Variants in EGLN3 observed in about 807,000 individuals in gnomAD.
The protein encoded by EGLN3 is prolyl hydroxylase EGLN3.
A neutral mutation model predicts 26.0 loss-of-function variants in EGLN3; 15 were observed. The observed-to-expected ratio is 0.58, with a 90% CI of 0.39 to 0.89. The LOEUF is 0.89. EGLN3 is among the 40% of genes least tolerant of loss of function. EGLN3 has a pLI of 0.00. For synonymous variants in EGLN3, 147 were observed against 127.2 expected, an observed-to-expected ratio of 1.16 and a Z score of -1.05; for missense variants, 238 against 311.6, an observed-to-expected ratio of 0.76 and a Z score of 1.78.
At chr14:33,948,589 A>G (rs1441261825) in intron 1 of EGLN3, 1 of 152,220 alleles carries the variant, frequency 6.6e-6, no homozygotes. Flanking sequence ...TCATATCTAC[A>G]GGATCTTTCT....
In EGLN3 at chr14:33,950,590, C is replaced by T. The variant is rs2064552612; in HGVS notation, c.163G>A (p.Ala55Thr). ...ERVKQLHCTGALRDGQLAGPR... is the reference protein window; with the variant it reads ...ERVKQLHCTGTLRDGQLAGPR... ...CCCGCCAGCTGGCCGTCCCGCAGGG[C>T]CCCGGTGCAGTGCAGCTGCTTGACG... Residue 55 changes from alanine to threonine, a missense_variant, in exon 1 of 5, where the codon GCC (alanine) becomes ACC (threonine). Transcript: ENST00000250457. The T allele has an allele frequency of 1.2e-6, 2 of 1,613,270 alleles. No homozygotes were observed. The highest frequency in any genetic ancestry group is 2.2e-5 in the East Asian group (1 of 44,852).
chr14:33,950,533 G>A lies in EGLN3; in HGVS notation c.220C>T (p.Arg74Trp). 5.6e-6 allele frequency: 9 copies of A among 1,613,470 alleles called. No homozygotes were observed. Among genetic ancestry groups the A allele is most frequent in the Non-Finnish European group, 7.6e-6 (9 of 1,179,914 alleles). The change falls in exon 1 of 5, where the codon CGG (arginine) becomes TGG (tryptophan). Residue 74 changes from arginine (R) to tryptophan (W), a missense_variant. Arg to Trp is a moderately radical substitution (Grantham distance 101). Transcript: ENST00000250457. Reference protein sequence around the residue: ...PRAGVSKRHLRGDQITWIGGN... With the variant: ...PRAGVSKRHLWGDQITWIGGN... ...CCGATCCACGTGATCTGGTCGCCCC[G>A]CAGGTGTCGCTTGGAGACGCCGGCG...
In EGLN3 at chr14:33,926,889, A is replaced by G; in HGVS notation, c.688+71T>C. 2.5e-6 allele frequency: 3 copies of G among 1,177,376 alleles called. No homozygotes were observed. The South Asian group carries it at 4.4e-5, about 17-fold the overall frequency. The allele number at this position is 1,177,376 out of a possible 1,614,324, so 72.9% of individuals were successfully genotyped here. ...AACAGATTGAACAGAACATGTTTAAAACTACATAAAATTGAATAAAAGTCA... is the reference window on the plus strand; with the variant it reads ...AACAGATTGAACAGAACATGTTTAAGACTACATAAAATTGAATAAAAGTCA... On this transcript the variant is annotated intron_variant, in intron 4 of 4. Coordinates refer to ENST00000250457, the MANE Select transcript of EGLN3 (RefSeq NM_022073.4).
rs555449134 is a variant in EGLN3 at position 33,925,006 on chromosome 14, G to C, written c.*885C>G. 1 of 138,188 alleles carries C rather than the reference G, an allele frequency of 7.2e-6. No homozygotes were observed. Among genetic ancestry groups the C allele is most frequent in the South Asian group, 2.4e-4 (1 of 4,126 alleles). The allele number at this position is 138,188 out of a possible 1,614,324, so 8.6% of individuals were successfully genotyped here. On this transcript the variant is annotated 3_prime_UTR_variant, in exon 5 of 5. Coordinates refer to ENST00000250457, the MANE Select transcript of EGLN3 (RefSeq NM_022073.4). ...CCAACTCCACCTCCCCTCTCAAATT[G>C]TTCAAGATGCACACATGTTTATTGT...
At chr14:33,948,222 G>C (rs2064531355) in intron 1 of EGLN3, 1 of 152,090 alleles carries the variant, frequency 6.6e-6, no homozygotes, top group Non-Finnish European at 1.5e-5. Flanking sequence ...AAATCATGTA[G>C]AAATGGAAAG....
At chr14:33,929,595 G>A (rs559545836) in intron 2 of EGLN3, among the ~76,000 whole-genome samples, 7 of 152,184 alleles carry the variant, frequency 4.6e-5, no homozygotes, top group East Asian at 1.9e-4. Context: ...CAGGTGATCC[G>A]CCCACTAGGG....
chr14:33,950,695 C>G lies in EGLN3; in HGVS notation c.58G>C (p.Val20Leu), dbSNP rs1271481885. 6.2e-7 allele frequency: 1 copy of G among 1,613,872 alleles called. No individual in the cohort carries two copies. The highest frequency in any genetic ancestry group is 1.3e-5 in the African/African-American group (1 of 74,908). Residue 20 changes from valine (V) to leucine (L), a missense_variant, in exon 1 of 5, where the codon GTG (valine) becomes CTG (leucine). Transcript: ENST00000250457. ...AAGCCCACCTCGTGCAGACAGGGCA[C>G]GATGTACTCCAGGGCAATTTTCTCC... ...DLEKIALEYIVPCLHEVGFCY... is the reference protein window; with the variant it reads ...DLEKIALEYILPCLHEVGFCY...
chr14:33,939,044 T>C (rs2064462055), intron 1 of EGLN3, among the ~76,000 whole-genome samples: 1 of 152,196 alleles, frequency 6.6e-6, no homozygotes, highest in Non-Finnish European at 1.5e-5. Context: ...TGCAGGCTCA[T>C]CAGAGAATGG....
chr14:33,929,256 A>T (rs1019126119), intron 2 of EGLN3, 44 bp from the exon 3 acceptor site: 1 of 1,606,688 alleles, frequency 6.2e-7, no homozygotes, highest in Non-Finnish European at 8.5e-7. Flanking sequence ...CCTCTCATGT[A>T]GTTTATCAAC....
intron 1 of EGLN3, among the ~76,000 whole-genome samples, chr14:33,941,314 C>T (rs1566600446): frequency 1.3e-5 from 2 of 152,004 alleles, no homozygotes; most frequent in Non-Finnish European, 2.9e-5. Context: ...GCCTCGTGGC[C>T]CTGGCGTCTC....
Position 33,947,247 on chromosome 14 carries a change from C to T in EGLN3, c.357+3149G>A, listed in dbSNP as rs768914096. 1.2e-4 allele frequency among the ~76,000 whole-genome samples: 18 copies of T among 152,198 alleles called. No individual in the cohort carries two copies. In the Middle Eastern group the frequency reaches 0.01, roughly 86 times the overall value. ...AAAATCTCCAAAAGGGAGTAGCGAG[C>T]GGATAAATCCTTTGCTAGCCTGAAA... is the stretch of plus-strand genomic sequence containing the variant. On this transcript the variant is annotated intron_variant, in intron 1 of 4. Coordinates refer to ENST00000250457, the MANE Select transcript of EGLN3 (RefSeq NM_022073.4).
chr14:33,929,190 A>G lies in EGLN3; in HGVS notation c.500T>C (p.Ile167Thr). 1.2e-6 allele frequency: 2 copies of G among 1,614,218 alleles called. No individual in the cohort carries two copies. The highest frequency in any genetic ancestry group is 1.3e-5 in the African/African-American group (1 of 75,060). ...DAKLHGGILR[I>T]FPEGKSFIAD... ...TATGAATGATTTCCCCTCTGGAAAT[A>G]TCCGCAGGATCCCACCATGTAGCTG... The change falls in exon 3 of 5, where the codon ATA becomes ACA. Residue 167 changes from isoleucine to threonine, a missense_variant. Transcript: ENST00000250457.
rs570544448 is a variant in EGLN3, at chr14:33,950,912, T to G, written c.-160A>C. 2.3e-5 allele frequency: 16 copies of G among 681,970 alleles called. No homozygotes were observed. The African/African-American group carries it at 2.5e-4, about 11-fold the overall frequency. The allele number at this position is 681,970 out of a possible 1,614,324, so 42.2% of individuals were successfully genotyped here. A position where few individuals can be genotyped will look rare whatever the true frequency, so the allele number is the denominator to read the frequency against. On this transcript the variant is annotated 5_prime_UTR_variant, in exon 1 of 5. Coordinates refer to ENST00000250457, the MANE Select transcript of EGLN3 (RefSeq NM_022073.4). ...CTGCAGCGTCGGGGACAAGGGAAAG[T>G]TTCTCGCAACTCTCGGGAGAAGGGA...
intron 1 of EGLN3, among the ~76,000 whole-genome samples, chr14:33,940,289 A>G (rs564680405): frequency 3.0e-4 from 45 of 152,312 alleles, no homozygotes; most frequent in African/African-American, 1.1e-3. Flanking sequence ...ACAGGAGGGA[A>G]CTGGTTCCAA....
rs754881856 is a variant in EGLN3, at chr14:33,926,415, A to G, written c.689-493T>C. Among the ~76,000 whole-genome samples the G allele has an allele frequency of 2.6e-4, 40 of 152,346 alleles. 1 individual carries two copies. Among genetic ancestry groups the G allele is most frequent in the Non-Finnish European group, 4.0e-4 (27 of 68,038 alleles). The stretch of plus-strand genomic sequence containing the variant: ...TTTTTAAGACAGGCATACAGCATGC[A>G]ACATTTCCCACATTTTTGGGACCAG... On this transcript the variant is annotated intron_variant, in intron 4 of 4. Coordinates refer to ENST00000250457, the MANE Select transcript of EGLN3 (RefSeq NM_022073.4).
chr14:33,929,619 T>C (rs2064387632), intron 2 of EGLN3, among the ~76,000 whole-genome samples: 1 of 152,234 alleles, frequency 6.6e-6, no homozygotes, highest in South Asian at 2.1e-4. Context: ...CCTGAAGTGC[T>C]GGGATTATAG....
chr14:33,927,152 G>GATT, intron 3 of EGLN3, 119 bp from the exon 4 acceptor site: 1 of 182,010 alleles, frequency 5.5e-6, no homozygotes. Flanking sequence ...AGTCTACCCT[G>GATT]ATTTATTTAT....
At chr14:33,931,414 C>T in intron 1 of EGLN3, 199 bp from the exon 2 acceptor site, 2 of 656,738 alleles carry the variant, frequency 3.0e-6, no homozygotes, top group South Asian at 2.1e-5. Flanking sequence ...TATGGCTCTG[C>T]CCAGTGGAAA....
intron 1 of EGLN3, among the ~76,000 whole-genome samples, chr14:33,934,983 G>A (rs539704031): frequency 1.3e-5 from 2 of 152,236 alleles, no homozygotes; most frequent in African/African-American, 2.4e-5. Context: ...CTGATCTACC[G>A]ACAAATGCTA....
Sources: allele counts gnomAD v4.1 joint callset (sites outside exome capture counted in the v4.1 genomes callset), GRCh38; gene constraint gnomAD v4.1.1; transcripts MANE v1.5; gene names NCBI Gene and HGNC (gene_info 2026-07-23, HGNC 2026-07-21).